PRKAA2: variants seen among roughly 807,000 people sequenced by gnomAD.
PRKAA2 encodes protein kinase AMP-activated catalytic subunit alpha 2, also known as 5'-AMP-activated protein kinase catalytic subunit alpha-2.
A neutral mutation model predicts 56.3 loss-of-function variants in PRKAA2; 40 were observed. The ratio of observed to expected loss-of-function variants is 0.71; its 90% confidence interval spans 0.55 to 0.92. The LOEUF (loss-of-function observed/expected upper bound fraction) is 0.92, where lower values mean the gene tolerates loss of function less well. PRKAA2 is among the 40% of genes least tolerant of loss of function. PRKAA2 has a pLI of 0.00. For missense variants in PRKAA2, 542 were observed against 686.9 expected, an observed-to-expected ratio of 0.79 and a Z score of 2.36; for synonymous variants, 214 against 234.2, an observed-to-expected ratio of 0.91 and a Z score of 0.79.
intron 2 of PRKAA2, among the ~76,000 whole-genome samples, chr1:56,687,737 C>T (rs1401974142): frequency 6.6e-6 from 1 of 152,116 alleles, no homozygotes; most frequent in Non-Finnish European, 1.5e-5. Flanking sequence ...TATGTAGCTA[C>T]ATAAATAATA....
intron 7 of PRKAA2, 33 bp downstream of exon 7, chr1:56,704,508 A>G (rs1316587631): frequency 6.5e-7 from 1 of 1,538,504 alleles, no homozygotes; most frequent in Non-Finnish European, 8.7e-7. Context: ...GATCATTTGT[A>G]GAAGCCATTT....
intron 1 of PRKAA2, among the ~76,000 whole-genome samples, chr1:56,663,059 A>T (rs1644007168): frequency 6.6e-6 from 1 of 151,786 alleles, no homozygotes; most frequent in Admixed American, 6.6e-5. Context: ...GTTGCCATGA[A>T]CTCTGCTCTG....
At chr1:56,683,970 G>T (rs1198081429) in intron 2 of PRKAA2, among the ~76,000 whole-genome samples, 1 of 152,174 alleles carries the variant, frequency 6.6e-6, no homozygotes, top group African/African-American at 2.4e-5. Flanking sequence ...AAGAGTTGAA[G>T]CAGGGAAACC....
At chr1:56,661,309 C>A (rs1169673656) in intron 1 of PRKAA2, among the ~76,000 whole-genome samples, 1 of 152,138 alleles carries the variant, frequency 6.6e-6, no homozygotes. Context: ...TTGATAAAGA[C>A]ATGGAAAATG....
At position 56,676,973 on chromosome 1, in the gene PRKAA2, A is replaced by T. The variant is rs1644117988; in HGVS notation, c.236+2451A>T. ...AACATAAACAAAATGAGGTCCCTGAAATTGCATGGCAGTACTTGATTATAA... is the reference window on the plus strand; with the variant it reads ...AACATAAACAAAATGAGGTCCCTGATATTGCATGGCAGTACTTGATTATAA... On this transcript the variant is annotated intron_variant, in intron 2 of 8. Transcript: ENST00000371244. Among the ~76,000 whole-genome samples the T allele has an allele frequency of 2.0e-5, 3 of 152,196 alleles. No individual in the cohort carries two copies. In the South Asian group the frequency reaches 6.2e-4, roughly 32 times the overall value.
At chr1:56,686,135 A>T (rs74690924) in intron 2 of PRKAA2, among the ~76,000 whole-genome samples, 1,756 of 152,320 alleles carry the variant, frequency 0.012, 39 homozygotes, top group African/African-American at 0.041. Context: ...AGTTTGACTT[A>T]TTCTATATGT....
intron 2 of PRKAA2, among the ~76,000 whole-genome samples, chr1:56,675,321 T>C (rs1644105490): frequency 6.9e-6 from 1 of 144,192 alleles, no homozygotes; most frequent in Non-Finnish European, 1.5e-5. Flanking sequence ...GAGTACCTGA[T>C]AGTGGTCAGG....
intron 6 of PRKAA2, among the ~76,000 whole-genome samples, chr1:56,696,557 A>T (rs574796472): frequency 1.3e-5 from 2 of 152,030 alleles, no homozygotes; most frequent in African/African-American, 2.4e-5. Context: ...TTAAATTATG[A>T]TATCAGGGTA....
chr1:56,655,280 A>ATATATATATATATATATTTTT, intron 1 of PRKAA2, among the ~76,000 whole-genome samples: 1 of 93,680 alleles, frequency 1.1e-5, no homozygotes, highest in African/African-American at 4.5e-5. Context: ...ATATATATAT[A>ATATATATATATATATATTTTT]TTTTTTTTTT....
intron 4 of PRKAA2, 71 bp from the exon 5 acceptor site, chr1:56,693,694 G>T: frequency 3.9e-6 from 4 of 1,038,596 alleles, no homozygotes; most frequent in Non-Finnish European, 5.6e-6. Context: ...TTGAAATTTT[G>T]CTCATATTTA....
In PRKAA2 at chr1:56,709,134, C is replaced by G. The variant is rs1243995968; in HGVS notation, c.*1421C>G. On this transcript the variant is annotated 3_prime_UTR_variant, in exon 9 of 9. Transcript: ENST00000371244. ...AATTAACACTTATTTACCTGGATTA[C>G]CCTAAAAAAATTAAGCTCTTGAAAA... The G allele has an allele frequency of 2.0e-5, 3 of 151,752 alleles. No individual in the cohort carries two copies. Among genetic ancestry groups the G allele is most frequent in the Non-Finnish European group, 4.4e-5 (3 of 67,940 alleles). The allele number at this position is 151,752 out of a possible 1,614,324, so 9.4% of individuals were successfully genotyped here. A position where few individuals can be genotyped will look rare whatever the true frequency, so the allele number is the denominator to read the frequency against.
Position 56,695,946 on chromosome 1 carries a change from G to C in PRKAA2, c.575G>C (p.Gly192Ala). 1 of 1,612,292 alleles carries C rather than the reference G, an allele frequency of 6.2e-7. No homozygotes were observed. The highest frequency in any genetic ancestry group is 8.5e-7 in the Non-Finnish European group (1 of 1,179,600). ...ATCTTTTTTCTTAGATTGTATGCAG[G>C]TCCTGAAGTTGATATCTGGAGCTGT... ...PEVISGRLYA[G>A]PEVDIWSCGV... Residue 192 changes from glycine to alanine, a missense_variant, in exon 6 of 9, where the codon GGT becomes GCT. By Grantham distance (60) the Gly-to-Ala change is moderately conservative. Around this residue, in one of 5 missense-constraint regions of PRKAA2, gnomAD observed 121 missense variants for 210.0 expected, o/e 0.58. Transcript: ENST00000371244.
chr1:56,648,335 G>C (rs1224156175), intron 1 of PRKAA2, among the ~76,000 whole-genome samples: 1 of 152,072 alleles, frequency 6.6e-6, no homozygotes, highest in Non-Finnish European at 1.5e-5. Flanking sequence ...CTTTTGTGTC[G>C]AGCTTCTTTA....
In PRKAA2 at chr1:56,710,961, A is replaced by G. The variant is rs1318774515; in HGVS notation, c.*3248A>G. ...CTTATGTTTCAGTGTAGGAACAGCT[A>G]CCTTCTCAAATAGAATATGCAGGGA... is the stretch of plus-strand genomic sequence containing the variant. On this transcript the variant is annotated 3_prime_UTR_variant, in exon 9 of 9. Coordinates refer to ENST00000371244, the MANE Select transcript of PRKAA2 (RefSeq NM_006252.4). 6.6e-6 allele frequency: 1 copy of G among 152,058 alleles called. No individual in the cohort carries two copies. Among genetic ancestry groups the G allele is most frequent in the Non-Finnish European group, 1.5e-5 (1 of 67,954 alleles). 9.4% of individuals were successfully genotyped at this position (152,058 alleles called of 1,614,324 possible).
At chr1:56,705,609 A>G (rs1644326413) in intron 7 of PRKAA2, among the ~76,000 whole-genome samples, 3 of 152,104 alleles carry the variant, frequency 2.0e-5, no homozygotes, top group Admixed American at 2.0e-4. Context: ...CATGTTGCCC[A>G]GGCTGGTCTC....
chr1:56,653,759 C>T (rs775314244), intron 1 of PRKAA2, among the ~76,000 whole-genome samples: 3 of 152,116 alleles, frequency 2.0e-5, no homozygotes, highest in Admixed American at 6.5e-5. Flanking sequence ...TACCTCCTGT[C>T]TTGTTTTACT....
At chr1:56,691,628 A>G in intron 3 of PRKAA2, 141 bp downstream of exon 3, 1 of 473,582 alleles carries the variant, frequency 2.1e-6, no homozygotes. Flanking sequence ...AGTGTTAGAT[A>G]AATTTTCTTT....
chr1:56,691,616 A>G, intron 3 of PRKAA2, 129 bp downstream of exon 3: 1 of 506,566 alleles, frequency 2.0e-6, no homozygotes, highest in Non-Finnish European at 3.2e-6. Flanking sequence ...CTAAACATGT[A>G]GAGTGTTAGA....
At chr1:56,654,426 C>A (rs1260341994) in intron 1 of PRKAA2, among the ~76,000 whole-genome samples, 2 of 152,044 alleles carry the variant, frequency 1.3e-5, no homozygotes, top group Admixed American at 1.3e-4. Flanking sequence ...ATTTTTGAAG[C>A]CAAGCAGATA....
Sources: allele counts gnomAD v4.1 joint callset (sites outside exome capture counted in the v4.1 genomes callset), GRCh38; gene constraint gnomAD v4.1.1; regional missense constraint gnomAD v4.1.1; transcripts MANE v1.5; gene names NCBI Gene and HGNC (gene_info 2026-07-23, HGNC 2026-07-21).